The following HTR1D variants were observed in gnomAD, a reference collection of about 807,000 sequenced individuals.
HTR1D encodes the protein 5-HT-1D.
A neutral mutation model predicts 21.1 loss-of-function variants in HTR1D; 18 were observed. The ratio of observed to expected loss-of-function variants is 0.85; its 90% CI spans 0.59 to 1.27. HTR1D has a LOEUF of 1.27. Among genes scored for constraint, HTR1D ranks in the 50% most tolerant of loss-of-function variants. The probability of loss-of-function intolerance (pLI) is 0.00; values close to 1 mark genes in which losing one functional copy is unlikely to be tolerated. For synonymous variants in HTR1D, 196 were observed against 204.4 expected (o/e 0.96, Z 0.35); for missense variants, 456 against 481.4 (o/e 0.95, Z 0.49).
intron 1 of HTR1D, among the ~76,000 whole-genome samples, chr1:23,203,591 A>C (rs535213261): frequency 5.3e-5 from 8 of 152,228 alleles, no homozygotes; most frequent in African/African-American, 1.9e-4. Context: ...CAAGAGTTTG[A>C]GGTTACAGTG....
intron 1 of HTR1D, among the ~76,000 whole-genome samples, chr1:23,207,903 A>G (rs1005545854): frequency 5.9e-5 from 9 of 152,066 alleles, no homozygotes; most frequent in South Asian, 4.2e-4. Context: ...CTGGGATTAC[A>G]CCATGCACCA....
At chr1:23,204,954 T>G (rs1396631211) in intron 1 of HTR1D, among the ~76,000 whole-genome samples, 1 of 152,196 alleles carries the variant, frequency 6.6e-6, no homozygotes, top group African/African-American at 2.4e-5. Context: ...TGCATGTTTA[T>G]AGCAGCACAA....
intron 1 of HTR1D, among the ~76,000 whole-genome samples, chr1:23,215,515 G>C (rs928043396): frequency 1.6e-4 from 25 of 152,198 alleles, no homozygotes; most frequent in Non-Finnish European, 2.8e-4. Flanking sequence ...GGCCTTAGAC[G>C]GGAAACATCT....
In HTR1D at chr1:23,193,792, G is replaced by A. The variant is rs777091800; in HGVS notation, c.428C>T (p.Ala143Val). The stretch of plus-strand genomic sequence containing the variant: ...CGTCCTGCGTTTACTGTATTCCAGG[G>A]CATCTGTGATTGCCCAGTACCTGTC... ...ALDRYWAITD[A>V]LEYSKRRTAG... The change falls in exon 2 of 2, where the codon GCC becomes GTC. Residue 143 changes from alanine (A) to valine (V), a missense_variant. Ala to Val is a moderately conservative substitution (Grantham distance 64). Coordinates refer to ENST00000374619, the MANE Select transcript of HTR1D (RefSeq NM_000864.5). The A allele has an allele frequency of 1.2e-6, 2 of 1,614,176 alleles. No individual in the cohort carries two copies. Among genetic ancestry groups the A allele is most frequent in the East Asian group, 4.5e-5 (2 of 44,878 alleles).
In HTR1D at chr1:23,192,176, C is replaced by A. The variant is rs1020516152; in HGVS notation, c.*910G>T. On this transcript the variant is annotated 3_prime_UTR_variant, in exon 2 of 2. Transcript: ENST00000374619. ...TCAATCTGGTCCCAACCATCCTACC[C>A]CCGCTACCCCTAACTTCTGAATCTC... The A allele has an allele frequency of 2.6e-5, 4 of 152,218 alleles. 1 individual carries two copies. Among genetic ancestry groups the A allele is most frequent in the African/African-American group, 9.7e-5 (4 of 41,412 alleles). The allele number at this position is 152,218 out of a possible 1,614,324, so 9.4% of individuals were successfully genotyped here.
At chr1:23,212,520 T>C (rs1457474336) in intron 1 of HTR1D, among the ~76,000 whole-genome samples, 1 of 152,206 alleles carries the variant, frequency 6.6e-6, no homozygotes, top group African/African-American at 2.4e-5. Context: ...GCCTCGCGTT[T>C]AGGATTTGTA....
At chr1:23,214,825 A>T in intron 1 of HTR1D, among the ~76,000 whole-genome samples, 1 of 152,096 alleles carries the variant, frequency 6.6e-6, no homozygotes, top group East Asian at 1.9e-4. Context: ...GGCTGAAAAT[A>T]AATAGGTGGG....
chr1:23,194,477 T>G lies in HTR1D; in HGVS notation c.-258A>C. 4 of 230,436 alleles carry G rather than the reference T, an allele frequency of 1.7e-5. No individual in the cohort carries two copies. The highest frequency in any genetic ancestry group is 3.7e-5 in the Non-Finnish European group (4 of 108,626). 14.3% of individuals were successfully genotyped at this position (230,436 alleles called of 1,614,324 possible). A position where few individuals can be genotyped will look rare whatever the true frequency, so the allele number is the denominator to read the frequency against. On this transcript the variant is annotated 5_prime_UTR_variant, in exon 2 of 2. Coordinates refer to ENST00000374619, the MANE Select transcript of HTR1D (RefSeq NM_000864.5). ...GAATGCTGAGACAACTACCAGCTGG[T>G]AGTTAAAGGTCTTTCCTAAACCACA... is the stretch of plus-strand genomic sequence containing the variant.
chr1:23,192,092 A>T lies in HTR1D; in HGVS notation c.*994T>A, dbSNP rs1401596191. On this transcript the variant is annotated 3_prime_UTR_variant, in exon 2 of 2. Transcript: ENST00000374619. ...CCTCAAAGGGGTGATCATGGGTTTC[A>T]ACTTCAGAATGTGAAGATGGCGCAG... The T allele has an allele frequency of 6.6e-6, 1 of 152,228 alleles. No homozygotes were observed. The allele number at this position is 152,228 out of a possible 1,614,324, so 9.4% of individuals were successfully genotyped here.
At chr1:23,213,576 C>T (rs550011999) in intron 1 of HTR1D, among the ~76,000 whole-genome samples, 27 of 152,334 alleles carry the variant, frequency 1.8e-4, no homozygotes, top group African/African-American at 6.5e-4. Flanking sequence ...CTTTCACTCC[C>T]CTACACATTC....
chr1:23,201,636 C>G (rs1390029647), intron 1 of HTR1D, among the ~76,000 whole-genome samples: 2 of 152,130 alleles, frequency 1.3e-5, no homozygotes, highest in East Asian at 3.9e-4. Context: ...ACTGCAGCCT[C>G]GATCTCCCAG....
intron 1 of HTR1D, among the ~76,000 whole-genome samples, chr1:23,210,251 T>C (rs1474871781): frequency 6.6e-6 from 1 of 152,162 alleles, no homozygotes; most frequent in Non-Finnish European, 1.5e-5. Flanking sequence ...CTAATTTTTG[T>C]AGTTTTAATA....
chr1:23,208,599 A>G (rs186012205), intron 1 of HTR1D, among the ~76,000 whole-genome samples: 28 of 152,110 alleles, frequency 1.8e-4, no homozygotes, highest in Admixed American at 5.2e-4. Flanking sequence ...AAGAAAGAAA[A>G]AAAAAATTAG....
In HTR1D at chr1:23,193,307, T is replaced by C. The variant is rs1490445099; in HGVS notation, c.913A>G (p.Ile305Val). The C allele has an allele frequency of 1.2e-6, 2 of 1,614,198 alleles. No homozygotes were observed. The highest frequency in any genetic ancestry group is 1.6e-4 in the Middle Eastern group (1 of 6,062). The change falls in exon 2 of 2, where the codon ATC (isoleucine) becomes GTC (valine). Residue 305 changes from isoleucine to valine, a missense_variant. By Grantham distance (29) the Ile-to-Val change is conservative. Coordinates refer to ENST00000374619, the MANE Select transcript of HTR1D (RefSeq NM_000864.5). ...RERKATKILG[I>V]ILGAFIICWL... ...CAGATGATAAAGGCCCCCAGAATGA[T>C]GCCCAGGATTTTAGTGGCTTTCCTT...
chr1:23,193,234 T>C lies in HTR1D; in HGVS notation c.986A>G (p.Asp329Gly). 2 of 1,613,648 alleles carry C rather than the reference T, an allele frequency of 1.2e-6. No homozygotes were observed. The highest frequency in any genetic ancestry group is 1.7e-6 in the Non-Finnish European group (2 of 1,179,940). ...VVSLVLPICR[D>G]SCWIHPALFD... is the part of the protein sequence containing the mutation. ...GAGCGCCGGGTGGATCCAGCAGGAG[T>C]CCCGGCAGATGGGGAGGACCAGAGA... The change falls in exon 2 of 2, where the codon GAC (aspartate) becomes GGC (glycine). Residue 329 changes from aspartate to glycine, a missense_variant. Physicochemically the swap from Asp to Gly is moderately conservative, Grantham distance 94 (BLOSUM62 -1). Coordinates refer to ENST00000374619, the MANE Select transcript of HTR1D (RefSeq NM_000864.5).
In HTR1D at chr1:23,194,844, C is replaced by T. The variant is rs1465332740; in HGVS notation, c.-625G>A. The stretch of plus-strand genomic sequence containing the variant: ...TTTTCCCAGGTTCATCTTGACGCAT[C>T]CTGAGCTACTTAACTTCGGTTCCTA... On this transcript the variant is annotated 5_prime_UTR_variant, in exon 2 of 2. Transcript: ENST00000374619. 1 of 152,764 alleles carries T rather than the reference C, an allele frequency of 6.5e-6. No homozygotes were observed. The highest frequency in any genetic ancestry group is 1.5e-5 in the Non-Finnish European group (1 of 68,070). 9.5% of individuals were successfully genotyped at this position (152,764 alleles called of 1,614,324 possible).
In HTR1D at chr1:23,212,890, A is replaced by C. The variant is rs528560347; in HGVS notation, c.-783+4401T>G. Among the ~76,000 whole-genome samples the C allele has an allele frequency of 4.6e-3, 696 of 150,924 alleles. 3 individuals carry two copies. The highest frequency in any genetic ancestry group is 7.8e-3 in the Non-Finnish European group (532 of 67,772). ...TGTCTAGGCTGGAGCACAGCGGCTC[A>C]ATCTCCACTCACTGCAACCTCTGCC... On this transcript the variant is annotated intron_variant, in intron 1 of 1. Coordinates refer to ENST00000374619, the MANE Select transcript of HTR1D (RefSeq NM_000864.5).
At chr1:23,196,527 TA>T (rs960713558) in intron 1 of HTR1D, among the ~76,000 whole-genome samples, 1 of 150,282 alleles carries the variant, frequency 6.7e-6, no homozygotes, top group African/African-American at 2.4e-5. Context: ...GGTGCTTCAT[TA>T]AAAAAAAATC....
chr1:23,203,583 A>G (rs1644717975), intron 1 of HTR1D, among the ~76,000 whole-genome samples: 1 of 152,092 alleles, frequency 6.6e-6, no homozygotes, highest in African/African-American at 2.4e-5. Flanking sequence ...CTTGAGCCCA[A>G]GAGTTTGAGG....
Sources: allele counts gnomAD v4.1 joint callset (sites outside exome capture counted in the v4.1 genomes callset), GRCh38; gene constraint gnomAD v4.1.1; transcripts MANE v1.5; gene names NCBI Gene and HGNC (gene_info 2026-07-23, HGNC 2026-07-21).